The following SYN2 variants were observed in gnomAD, a reference collection of about 807,000 sequenced individuals.
SYN2 encodes synapsin II, also known as synapsin-2.
Under a neutral mutation model 50.9 loss-of-function variants are expected in SYN2, and 19 were observed. The observed-to-expected ratio is 0.37, with a 90% CI of 0.26 to 0.55. The LOEUF is 0.55. Among genes scored for constraint, SYN2 ranks in the 20% least tolerant of loss-of-function variants. SYN2 has a pLI of 0.81. For missense variants in SYN2, 587 were observed against 576.4 expected (o/e 1.02, Z -0.19); for synonymous variants, 255 against 224.9 (o/e 1.13, Z -1.20).
chr3:12,154,178 G>C, intron 5 of SYN2: 3 of 1,203,246 alleles, frequency 2.5e-6, no homozygotes, highest in Non-Finnish European at 3.5e-6. Flanking sequence ...TTTGAGATCA[G>C]GGCCTATAGA....
intron 1 of SYN2, among the ~76,000 whole-genome samples, chr3:12,074,435 T>A (rs1211340252): frequency 1.3e-5 from 2 of 152,168 alleles, no homozygotes. Context: ...CCACTCTTTT[T>A]TCAGTCCATT....
rs1200920999 is a variant in SYN2 at position 12,137,265 on chromosome 3, A to AT, written c.378-3386_378-3385insT. ...CCTGTCTCAAAAAAAAAAAAAAAAA[A>AT]GTCCGTACTGGGCATCTTATCTGTT... On this transcript the variant is annotated intron_variant, in intron 1 of 12. Transcript: ENST00000621198. Among the ~76,000 whole-genome samples the AT allele has an allele frequency of 2.3e-3, 340 of 150,040 alleles. 3 individuals are homozygous for AT. Among genetic ancestry groups the AT allele is most frequent in the African/African-American group, 7.8e-3 (320 of 41,168 alleles).
chr3:12,153,294 AG>A, intron 5 of SYN2: 1 of 592,834 alleles, frequency 1.7e-6, no homozygotes. Context: ...AACAGCTACA[AG>A]GCTAGACTAA....
intron 1 of SYN2, among the ~76,000 whole-genome samples, chr3:12,119,025 TG>T (rs1471661185): frequency 6.6e-6 from 1 of 152,222 alleles, no homozygotes; most frequent in African/African-American, 2.4e-5. Flanking sequence ...CATTTGCACT[TG>T]TGGTTGATGC....
rs538576989 is a variant in SYN2, at chr3:12,057,221, G to A, written c.377+52293G>A. The stretch of plus-strand genomic sequence containing the variant: ...GCAGGAGAATTGCTTGAACCCAGGA[G>A]GCAGAGGTTTCAGTGAGCCAAGATC... On this transcript the variant is annotated intron_variant, in intron 1 of 12. Transcript: ENST00000621198. 1.8e-4 allele frequency among the ~76,000 whole-genome samples: 28 copies of A among 151,916 alleles called. No individual in the cohort carries two copies. The East Asian group carries it at 5.2e-3, about 28-fold the overall frequency.
chr3:12,017,436 T>A (rs186546213), intron 1 of SYN2, among the ~76,000 whole-genome samples: 1 of 152,320 alleles, frequency 6.6e-6, no homozygotes, highest in Non-Finnish European at 1.5e-5. Flanking sequence ...AGTTCATGCT[T>A]CCATGCTCCT....
chr3:12,140,816 G>C (rs1697001770), intron 2 of SYN2, 108 bp downstream of exon 2: 2 of 706,700 alleles, frequency 2.8e-6, no homozygotes, highest in African/African-American at 1.8e-5. Context: ...TCCATCATTG[G>C]GTTCTGGACT....
At chr3:12,140,835 C>T in intron 2 of SYN2, 127 bp downstream of exon 2, 1 of 694,190 alleles carries the variant, frequency 1.4e-6, no homozygotes, top group South Asian at 1.5e-5. Flanking sequence ...CTCTGCATCT[C>T]CTCTCTCTCC....
At chr3:12,033,600 A>G (rs2125144009) in intron 1 of SYN2, among the ~76,000 whole-genome samples, 1 of 152,332 alleles carries the variant, frequency 6.6e-6, no homozygotes, top group East Asian at 1.9e-4. Flanking sequence ...AAGATTATAT[A>G]ACCACCACCA....
At position 12,018,505 on chromosome 3, in the gene SYN2, A is replaced by G. The variant is rs553229260; in HGVS notation, c.377+13577A>G. 5.9e-5 allele frequency among the ~76,000 whole-genome samples: 9 copies of G among 152,280 alleles called. No homozygotes were observed. The South Asian group carries it at 1.7e-3, about 28-fold the overall frequency. On this transcript the variant is annotated intron_variant, in intron 1 of 12. Transcript: ENST00000621198. ...GTGGGCAAAAATATCAGTTCTTCCA[A>G]CCATTTAATAGACTTGTTTTCCAAG...
intron 1 of SYN2, among the ~76,000 whole-genome samples, chr3:12,140,250 C>A (rs1391450728): frequency 6.6e-6 from 1 of 152,022 alleles, no homozygotes; most frequent in East Asian, 1.9e-4. Flanking sequence ...AACTAAAAAT[C>A]CAAGGGTGGA....
At chr3:12,046,731 A>T (rs1432310554) in intron 1 of SYN2, among the ~76,000 whole-genome samples, 1 of 152,158 alleles carries the variant, frequency 6.6e-6, no homozygotes, top group Non-Finnish European at 1.5e-5. Context: ...AGAGAGTTGG[A>T]ATAATATAAG....
intron 1 of SYN2, among the ~76,000 whole-genome samples, chr3:12,081,758 T>C (rs1405558191): frequency 6.6e-6 from 1 of 152,232 alleles, no homozygotes; most frequent in Non-Finnish European, 1.5e-5. Flanking sequence ...CCTGTGTTCA[T>C]ACTGCTTACT....
intron 1 of SYN2, among the ~76,000 whole-genome samples, chr3:12,132,642 CTG>C (rs1559433055): frequency 6.6e-6 from 1 of 152,166 alleles, no homozygotes; most frequent in African/African-American, 2.4e-5. Flanking sequence ...CTGTTTTTCT[CTG>C]GACCATTTCT....
chr3:12,115,141 A>G (rs377045182), intron 1 of SYN2, among the ~76,000 whole-genome samples: 5 of 151,628 alleles, frequency 3.3e-5, no homozygotes, highest in African/African-American at 1.2e-4. Context: ...GAATCAGCAA[A>G]CATGTGTTCT....
At chr3:12,147,585 C>T (rs978146608) in intron 4 of SYN2, among the ~76,000 whole-genome samples, 3 of 152,152 alleles carry the variant, frequency 2.0e-5, no homozygotes, top group African/African-American at 4.8e-5. Flanking sequence ...GTCCTTCCTA[C>T]GGCACACGTG....
chr3:12,123,856 A>G (rs1365300768), intron 1 of SYN2, among the ~76,000 whole-genome samples: 1 of 152,024 alleles, frequency 6.6e-6, no homozygotes, highest in Non-Finnish European at 1.5e-5. Context: ...AAAAAATACA[A>G]AAAAATCAGC....
intron 1 of SYN2, among the ~76,000 whole-genome samples, chr3:12,034,281 A>T (rs1694446713): frequency 6.6e-6 from 1 of 152,168 alleles, no homozygotes; most frequent in African/African-American, 2.4e-5. Flanking sequence ...CATTTCCCTA[A>T]TGATTAATGA....
intron 7 of SYN2, among the ~76,000 whole-genome samples, chr3:12,163,530 G>A (rs1474999756): frequency 6.6e-6 from 1 of 151,722 alleles, no homozygotes; most frequent in African/African-American, 2.4e-5. Flanking sequence ...TGTGTTTTGT[G>A]TCACCCTCCT....
Sources: allele counts gnomAD v4.1 joint callset (sites outside exome capture counted in the v4.1 genomes callset), GRCh38; gene constraint gnomAD v4.1.1; transcripts MANE v1.5; gene names NCBI Gene and HGNC (gene_info 2026-07-23, HGNC 2026-07-21).